The following LGALS16 variants were observed in gnomAD, a reference collection of about 807,000 sequenced individuals.
The protein encoded by LGALS16 is galectin 16.
Under a neutral mutation model 13.2 loss-of-function variants are expected in LGALS16, and 15 were observed. The ratio of observed to expected loss-of-function variants is 1.13; its 90% CI spans 0.76 to 1.75. The LOEUF (loss-of-function observed/expected upper bound fraction) is 1.75, where lower values mean the gene tolerates loss of function less well. Ranked by LOEUF, LGALS16 falls within the 40% of genes most tolerant of loss-of-function variation. The pLI, the probability that LGALS16 is intolerant of heterozygous loss-of-function variation, is 0.00. For missense variants in LGALS16, 198 were observed against 178.4 expected (o/e 1.11, Z -0.63); for synonymous variants, 66 against 65.4 (o/e 1.01, Z -0.05).
Position 39,657,891 on chromosome 19 carries a change from C to T in LGALS16, c.24C>T (p.Tyr8=), listed in dbSNP as rs775260487. The T allele has an allele frequency of 3.7e-6, 6 of 1,613,794 alleles. No homozygotes were observed. The highest frequency in any genetic ancestry group is 1.6e-4 in the Middle Eastern group (1 of 6,082). The change falls in exon 2 of 4, where the codon TAC becomes TAT. Residue 8 remains tyrosine, a synonymous_variant. Transcript: ENST00000392051. MSFLTVP[Y]KLPVSLSVGS... ...TCTCAATACCCTGGCAGGTGCCATA[C>T]AAACTGCCTGTGTCTTTGTCTGTTG...
chr19:39,658,550 T>G lies in LGALS16; in HGVS notation c.183T>G (p.Arg61=). The G allele has an allele frequency of 6.2e-7, 1 of 1,608,824 alleles. No homozygotes were observed. The highest frequency in any genetic ancestry group is 8.5e-7 in the Non-Finnish European group (1 of 1,178,928). The change falls in exon 3 of 4, where the codon CGT becomes CGG. Residue 61 remains arginine, a synonymous_variant. Transcript: ENST00000392051. The part of the protein sequence containing the change: ...AFHLRVHLGR[R]VVMNSREFGI... ...ATTTGCGAGTGCACTTAGGCCGTCG[T>G]GTGGTCATGAACAGTCGTGAGTTTG...
At position 39,660,608 on chromosome 19, in the gene LGALS16, C is replaced by A; in HGVS notation, c.*88C>A. 2 of 1,139,164 alleles carry A rather than the reference C, an allele frequency of 1.8e-6. No individual in the cohort carries two copies. The allele number at this position is 1,139,164 out of a possible 1,614,324, so 70.6% of individuals were successfully genotyped here. Reference sequence around the variant, plus strand: ...TAACAGAATAATCCCTCCTCAACCCCTTCCCCTACACTTGGTCATTAAAAC... The same window carrying A: ...TAACAGAATAATCCCTCCTCAACCCATTCCCCTACACTTGGTCATTAAAAC... On this transcript the variant is annotated 3_prime_UTR_variant, in exon 4 of 4. Transcript: ENST00000392051.
chr19:39,656,533 CTG>C (rs1378387546), intron 1 of LGALS16, among the ~76,000 whole-genome samples: 1 of 152,146 alleles, frequency 6.6e-6, no homozygotes, highest in Non-Finnish European at 1.5e-5. Flanking sequence ...GATGAAGGAA[CTG>C]TGTGTCTTTT....
rs1973221386 is a variant in LGALS16, at chr19:39,658,501, ATG to A, written c.135_136del (p.Asn45LysfsTer23). 1 of 1,605,418 alleles carries A rather than the reference ATG, an allele frequency of 6.2e-7. No individual in the cohort carries two copies. The highest frequency in any genetic ancestry group is 8.5e-7 in the Non-Finnish European group (1 of 1,177,882). Reference sequence around the variant, plus strand: ...CAGGTGGATTTCTACACTGAGATGAATGAGGACTCAGAAATTGCCTTCCATTT... The same window carrying A: ...CAGGTGGATTTCTACACTGAGATGAAAGGACTCAGAAATTGCCTTCCATTT... On this transcript the variant is annotated frameshift_variant, in exon 3 of 4. Coordinates refer to ENST00000392051, the MANE Select transcript of LGALS16 (RefSeq NM_001190441.3). LOFTEE classifies it high-confidence loss of function.
In LGALS16 at chr19:39,658,506, G is replaced by A. The variant is rs1451128378; in HGVS notation, c.139G>A (p.Asp47Asn). Residue 47 changes from aspartate (D) to asparagine (N), a missense_variant, in exon 3 of 4, where the codon GAC becomes AAC. Coordinates refer to ENST00000392051, the MANE Select transcript of LGALS16 (RefSeq NM_001190441.3). ...GGATTTCTACACTGAGATGAATGAG[G>A]ACTCAGAAATTGCCTTCCATTTGCG... ...QVDFYTEMNE[D>N]SEIAFHLRVH... 2.5e-6 allele frequency: 4 copies of A among 1,605,908 alleles called. No individual in the cohort carries two copies. In the African/African-American group the frequency reaches 4.0e-5, roughly 16 times the overall value.
intron 3 of LGALS16, among the ~76,000 whole-genome samples, chr19:39,660,044 G>C (rs1232395271): frequency 6.6e-6 from 1 of 152,166 alleles, no homozygotes; most frequent in East Asian, 1.9e-4. Context: ...AGTGAACATG[G>C]TCTCGCACTA....
At position 39,657,973 on chromosome 19, in the gene LGALS16, G is replaced by T. The variant is rs1287730687; in HGVS notation, c.92+14G>T. The T allele has an allele frequency of 6.2e-7, 1 of 1,610,852 alleles. No homozygotes were observed. Among genetic ancestry groups the T allele is most frequent in the South Asian group, 1.1e-5 (1 of 91,036 alleles). ...CGACTCTTCTATGTGAGTACTCCAT[G>T]GTCCAATGGAGGGGGTGGAGGAGAA... On this transcript the variant is annotated intron_variant, in intron 2 of 3. Coordinates refer to ENST00000392051, the MANE Select transcript of LGALS16 (RefSeq NM_001190441.3).
chr19:39,656,825 A>G (rs553326999), intron 1 of LGALS16, among the ~76,000 whole-genome samples: 1 of 151,938 alleles, frequency 6.6e-6, no homozygotes, highest in South Asian at 2.1e-4. Context: ...TTTGCTAGAG[A>G]AGGATATTAG....
chr19:39,658,026 T>G, intron 2 of LGALS16, 67 bp downstream of exon 2: 1 of 1,572,454 alleles, frequency 6.4e-7, no homozygotes, highest in South Asian at 1.1e-5. Flanking sequence ...GAGTTTGACC[T>G]TATGTGTGGG....
At chr19:39,658,354 A>G (rs1973218800) in intron 2 of LGALS16, 106 bp from the exon 3 acceptor site, 3 of 972,890 alleles carry the variant, frequency 3.1e-6, no homozygotes, top group African/African-American at 3.2e-5. Context: ...GTATCATCAG[A>G]GAGAATTTTA....
At chr19:39,658,372 T>C (rs1273735172) in intron 2 of LGALS16, 88 bp from the exon 3 acceptor site, 26 of 1,152,760 alleles carry the variant, frequency 2.3e-5, no homozygotes, top group Non-Finnish European at 3.0e-5. Flanking sequence ...TTACCCTGGG[T>C]AAATGGGGGA....
At chr19:39,660,335 A>G in intron 3 of LGALS16, 60 bp from the exon 4 acceptor site, 2 of 1,522,686 alleles carry the variant, frequency 1.3e-6, no homozygotes, top group Non-Finnish European at 8.8e-7. Context: ...CAGAGTAGAG[A>G]AGAGGCTGAA....
At chr19:39,660,334 G>C in intron 3 of LGALS16, 61 bp from the exon 4 acceptor site, 12 of 1,521,086 alleles carry the variant, frequency 7.9e-6, no homozygotes, top group Non-Finnish European at 1.1e-5. Flanking sequence ...GCAGAGTAGA[G>C]AAGAGGCTGA....
rs1306193026 is a variant in LGALS16 at position 39,658,557 on chromosome 19, A to G, written c.190A>G (p.Met64Val). 15 of 1,609,022 alleles carry G rather than the reference A, an allele frequency of 9.3e-6. No individual in the cohort carries two copies. The highest frequency in any genetic ancestry group is 1.3e-5 in the Non-Finnish European group (15 of 1,179,072). Residue 64 changes from methionine (M) to valine (V), a missense_variant, in exon 3 of 4, where the codon ATG (methionine) becomes GTG (valine). Coordinates refer to ENST00000392051, the MANE Select transcript of LGALS16 (RefSeq NM_001190441.3). ...LRVHLGRRVV[M>V]NSREFGIWML... Reference sequence around the variant, plus strand: ...AGTGCACTTAGGCCGTCGTGTGGTCATGAACAGTCGTGAGTTTGGGATATG... The same window carrying G: ...AGTGCACTTAGGCCGTCGTGTGGTCGTGAACAGTCGTGAGTTTGGGATATG...
At chr19:39,660,339 G>C (rs1973245437) in intron 3 of LGALS16, 56 bp from the exon 4 acceptor site, 1 of 1,529,680 alleles carries the variant, frequency 6.5e-7, no homozygotes, top group African/African-American at 1.4e-5. Flanking sequence ...GTAGAGAAGA[G>C]GCTGAAAACT....
At chr19:39,656,599 T>A (rs4802053) in intron 1 of LGALS16, among the ~76,000 whole-genome samples, 47,093 of 152,014 alleles carry the variant, frequency 0.31, 8,442 homozygotes, top group Admixed American at 0.53. Context: ...TCTTGGAGAT[T>A]GTGAGTTACC....
chr19:39,656,045 T>A (rs1973191200), intron 1 of LGALS16, 69 bp downstream of exon 1: 10 of 1,529,032 alleles, frequency 6.5e-6, no homozygotes, highest in Non-Finnish European at 9.0e-6. Flanking sequence ...TGGGGTATTT[T>A]ATGAGATGAA....
chr19:39,660,556 C>T lies in LGALS16; in HGVS notation c.*36C>T. 3 of 1,539,784 alleles carry T rather than the reference C, an allele frequency of 1.9e-6. No individual in the cohort carries two copies. The highest frequency in any genetic ancestry group is 2.6e-6 in the Non-Finnish European group (3 of 1,144,084). ...CATTGTTGAGGAAACCCTCTTTCTA[C>T]CTGACCATGGGATTCCTAGAGCCTG... is the stretch of plus-strand genomic sequence containing the variant. On this transcript the variant is annotated 3_prime_UTR_variant, in exon 4 of 4. Transcript: ENST00000392051.
At position 39,658,348 on chromosome 19, in the gene LGALS16, C is replaced by A. The variant is rs1973218765; in HGVS notation, c.93-112C>A. ...CCCACAGGGACCAGGCCTGCAGTATCATCAGAGAGAATTTTACCCTGGGTA... is the reference window on the plus strand; with the variant it reads ...CCCACAGGGACCAGGCCTGCAGTATAATCAGAGAGAATTTTACCCTGGGTA... On this transcript the variant is annotated intron_variant, in intron 2 of 3. Transcript: ENST00000392051. 44 of 910,924 alleles carry A rather than the reference C, an allele frequency of 4.8e-5. No individual in the cohort carries two copies. The South Asian group carries it at 6.6e-4, about 14-fold the overall frequency. The allele number at this position is 910,924 out of a possible 1,614,324, so 56.4% of individuals were successfully genotyped here. A position where few individuals can be genotyped will look rare whatever the true frequency, so the allele number is the denominator to read the frequency against.
Sources: gnomAD v4.1 joint callset for allele counts (sites outside exome capture counted in the v4.1 genomes callset) on GRCh38, gnomAD v4.1.1 for gene constraint, MANE v1.5 for transcripts, NCBI Gene and HGNC (gene_info 2026-07-23, HGNC 2026-07-21) for gene names.